Variants in MLIP observed in about 807,000 individuals in gnomAD.
The protein encoded by MLIP is muscular LMNA interacting protein.
MLIP carries 79 observed loss-of-function variants against 84.8 expected under a neutral mutation model. The observed-to-expected ratio is 0.93, with a 90% CI of 0.78 to 1.12. The LOEUF is 1.12. Among genes scored for constraint, MLIP ranks in the 50% most tolerant of loss-of-function variants. The probability of loss-of-function intolerance (pLI) is 0.00; values close to 1 mark genes in which losing one functional copy is unlikely to be tolerated. For synonymous variants in MLIP, 504 were observed against 463.0 expected (o/e 1.09, Z -1.14); for missense variants, 1,257 against 1,160.6 (o/e 1.08, Z -1.21).
At chr6:54,037,055 G>A (rs1351767407) in intron 1 of MLIP, among the ~76,000 whole-genome samples, 2 of 151,972 alleles carry the variant, frequency 1.3e-5, no homozygotes, top group Non-Finnish European at 2.9e-5. Flanking sequence ...TATGAATCTT[G>A]TCCTTGGTCC....
chr6:54,135,740 CT>C (rs1159809362), intron 3 of MLIP, among the ~76,000 whole-genome samples: 1 of 151,932 alleles, frequency 6.6e-6, no homozygotes, highest in Non-Finnish European at 1.5e-5. Flanking sequence ...AAATCAATGA[CT>C]TTTAAGGGAA....
At chr6:54,053,932 T>C (rs1332851921) in intron 1 of MLIP, among the ~76,000 whole-genome samples, 2 of 152,200 alleles carry the variant, frequency 1.3e-5, no homozygotes, top group African/African-American at 4.8e-5. Flanking sequence ...GTTTAAACCT[T>C]GGCTCTACTA....
chr6:54,094,925 T>C (rs1438594984), intron 1 of MLIP, among the ~76,000 whole-genome samples: 1 of 152,194 alleles, frequency 6.6e-6, no homozygotes, highest in Non-Finnish European at 1.5e-5. Flanking sequence ...CAAGGCCTTC[T>C]GGCTCAGGGA....
intron 9 of MLIP, among the ~76,000 whole-genome samples, chr6:54,185,691 T>G (rs1238939216): frequency 6.6e-6 from 1 of 152,178 alleles, no homozygotes; most frequent in Admixed American, 6.6e-5. Flanking sequence ...TTTTTTCAGT[T>G]ATGATGCATT....
intron 1 of MLIP, among the ~76,000 whole-genome samples, chr6:54,068,052 C>T (rs1359297113): frequency 4.1e-4 from 26 of 62,774 alleles, no homozygotes; most frequent in African/African-American, 8.8e-4. Context: ...TCCTTCCTTC[C>T]TTCCTTCCTT....
chr6:54,101,407 T>C (rs1034997652), intron 1 of MLIP, among the ~76,000 whole-genome samples: 2 of 129,480 alleles, frequency 1.5e-5, no homozygotes, highest in Non-Finnish European at 3.3e-5. Context: ...CTAGGGCTCT[T>C]ATATGTCACT....
At chr6:54,055,651 CAATAA>C (rs949889934) in intron 1 of MLIP, among the ~76,000 whole-genome samples, 3 of 151,300 alleles carry the variant, frequency 2.0e-5, no homozygotes, top group Admixed American at 6.6e-5. Context: ...GGGAAAGAGA[CAATAA>C]AATAAACAAA....
intron 1 of MLIP, among the ~76,000 whole-genome samples, chr6:54,036,848 A>G (rs546235551): frequency 6.4e-4 from 97 of 152,140 alleles, no homozygotes; most frequent in Non-Finnish European, 1.2e-3. Flanking sequence ...TGGCTGTGGC[A>G]TGGGAAATGA....
intron 1 of MLIP, among the ~76,000 whole-genome samples, chr6:54,085,951 G>A (rs1395185339): frequency 6.6e-6 from 1 of 152,150 alleles, no homozygotes; most frequent in Admixed American, 6.6e-5. Context: ...TTCTGAAGAA[G>A]AAATTTCTTA....
intron 4 of MLIP, among the ~76,000 whole-genome samples, chr6:54,141,992 T>A (rs1428043003): frequency 6.6e-6 from 1 of 152,256 alleles, no homozygotes; most frequent in East Asian, 1.9e-4. Context: ...GTCTCCTTCC[T>A]TTAAGACATC....
chr6:54,151,743 A>T (rs529180146), intron 5 of MLIP, among the ~76,000 whole-genome samples: 1 of 152,316 alleles, frequency 6.6e-6, no homozygotes, highest in African/African-American at 2.4e-5. Context: ...ATCTTATGCC[A>T]CATTCTTTTC....
intron 1 of MLIP, among the ~76,000 whole-genome samples, chr6:54,034,979 AC>A (rs1354593893): frequency 6.6e-6 from 1 of 152,138 alleles, no homozygotes; most frequent in East Asian, 1.9e-4. Context: ...ACAAATATAT[AC>A]CATTGTGTTA....
intron 3 of MLIP, among the ~76,000 whole-genome samples, chr6:54,132,408 C>G (rs555568520): frequency 6.6e-6 from 1 of 152,220 alleles, no homozygotes; most frequent in South Asian, 2.1e-4. Flanking sequence ...TCAGAGTACA[C>G]AAGGAGAATT....
At chr6:54,055,746 A>G (rs893108052) in intron 1 of MLIP, among the ~76,000 whole-genome samples, 2 of 152,160 alleles carry the variant, frequency 1.3e-5, no homozygotes, top group African/African-American at 4.8e-5. Context: ...AGTAGCATGG[A>G]GAAAAATTAA....
At chr6:54,121,348 T>A in intron 1 of MLIP, 99 bp from the exon 2 acceptor site, 1 of 1,258,568 alleles carries the variant, frequency 7.9e-7, no homozygotes, top group Non-Finnish European at 1.1e-6. Flanking sequence ...AATAGGCAAT[T>A]CATCAAAATA....
chr6:54,072,852 C>A (rs1246719323), intron 1 of MLIP, among the ~76,000 whole-genome samples: 2 of 152,318 alleles, frequency 1.3e-5, no homozygotes, highest in East Asian at 3.9e-4. Flanking sequence ...TCCCTGCTTA[C>A]AAATGCCAGA....
At chr6:54,221,475 GATCATA>G (rs2150772801) in intron 11 of MLIP, among the ~76,000 whole-genome samples, 1 of 151,936 alleles carries the variant, frequency 6.6e-6, no homozygotes, top group East Asian at 1.9e-4. Context: ...AAAAAGGAGA[GATCATA>G]ATCTGCAAAA....
intron 1 of MLIP, among the ~76,000 whole-genome samples, chr6:54,092,842 C>T (rs934054716): frequency 6.6e-6 from 1 of 151,974 alleles, no homozygotes; most frequent in South Asian, 2.1e-4. Flanking sequence ...GGTTTTATTG[C>T]AGGGAAGATG....
rs1765679890 is a variant in MLIP, at chr6:54,056,669, C to CA, written c.63+37578_63+37579insA. 1.9e-4 allele frequency among the ~76,000 whole-genome samples: 29 copies of CA among 152,296 alleles called. No individual in the cohort carries two copies. In the South Asian group the frequency reaches 5.8e-3, roughly 30 times the overall value. ...AAATGCTAAAACCCATCTCTAGAAG[C>CA]TTGCCAGCAAGAATGCCTTTATTTC... On this transcript the variant is annotated intron_variant, in intron 1 of 12. Transcript: ENST00000274897.
Sources: gnomAD v4.1 joint callset for allele counts (sites outside exome capture counted in the v4.1 genomes callset) on GRCh38, gnomAD v4.1.1 for gene constraint, MANE v1.5 for transcripts, NCBI Gene and HGNC (gene_info 2026-07-23, HGNC 2026-07-21) for gene names.